The following ST18 variants were observed in gnomAD, a reference collection of about 807,000 sequenced individuals.
ST18 encodes the protein suppression of tumorigenicity 18 protein.
A neutral mutation model predicts 110.0 loss-of-function variants in ST18; 50 were observed. The ratio of observed to expected loss-of-function variants is 0.45; its 90% confidence interval spans 0.36 to 0.58. The LOEUF (loss-of-function observed/expected upper bound fraction) is 0.58, where lower values mean the gene tolerates loss of function less well. Ranked by LOEUF, ST18 falls within the 20% of genes least tolerant of loss-of-function variation. The pLI is 0.00. For synonymous variants in ST18, 461 were observed against 452.4 expected (o/e 1.02, Z -0.24); for missense variants, 1,306 against 1,280.1 (o/e 1.02, Z -0.31).
chr8:52,193,938 G>A (rs1416948645), intron 8 of ST18, among the ~76,000 whole-genome samples: 1 of 152,118 alleles, frequency 6.6e-6, no homozygotes, highest in Non-Finnish European at 1.5e-5. Flanking sequence ...TAAATTCAGC[G>A]ACTAATAAGT....
chr8:52,186,509 A>G (rs1429260543), intron 8 of ST18, among the ~76,000 whole-genome samples: 1 of 152,208 alleles, frequency 6.6e-6, no homozygotes, highest in African/African-American at 2.4e-5. Flanking sequence ...GCTCAACAGT[A>G]TCTACTAAAG....
chr8:52,198,492 G>T (rs2360804), intron 8 of ST18, among the ~76,000 whole-genome samples: 2 of 151,978 alleles, frequency 1.3e-5, no homozygotes, highest in Non-Finnish European at 2.9e-5. Flanking sequence ...GAATGCTTCC[G>T]TTTATCCATC....
intron 2 of ST18, among the ~76,000 whole-genome samples, chr8:52,337,963 C>G (rs1489654687): frequency 6.6e-6 from 1 of 152,190 alleles, no homozygotes; most frequent in Non-Finnish European, 1.5e-5. Context: ...CAATATCTAC[C>G]AGTTTAAGAA....
In ST18 at chr8:52,142,628, TAGA is replaced by T. The variant is rs2055602814; in HGVS notation, c.2168+299_2168+301del. ...CCAAATAACAATTTGCATCAAGTGT[TAGA>T]AGGTTAGTAGAGTCCCAGAAGACAA... On this transcript the variant is annotated intron_variant, in intron 17 of 25. Transcript: ENST00000689386. Among the ~76,000 whole-genome samples the T allele has an allele frequency of 2.0e-5, 3 of 152,332 alleles. No homozygotes were observed. The South Asian group carries it at 6.2e-4, about 32-fold the overall frequency.
At chr8:52,396,576 G>C (rs1457159784) in intron 2 of ST18, among the ~76,000 whole-genome samples, 1 of 152,160 alleles carries the variant, frequency 6.6e-6, no homozygotes, top group Non-Finnish European at 1.5e-5. Flanking sequence ...ATGGCTGGGG[G>C]AGGCCTCAGG....
chr8:52,244,553 CA>C (rs2093691219), intron 2 of ST18, among the ~76,000 whole-genome samples: 1 of 151,868 alleles, frequency 6.6e-6, no homozygotes, highest in Admixed American at 6.6e-5. Flanking sequence ...AAGTCAGAAG[CA>C]AAAAAAGAAA....
chr8:52,328,750 G>C (rs904727727), intron 2 of ST18, among the ~76,000 whole-genome samples: 1 of 152,154 alleles, frequency 6.6e-6, no homozygotes, highest in Non-Finnish European at 1.5e-5. Context: ...GCTTTTGAGA[G>C]ATAATTTACA....
At chr8:52,229,047 T>G (rs78625579) in intron 3 of ST18, among the ~76,000 whole-genome samples, 17,593 of 152,198 alleles carry the variant, frequency 0.12, 1,359 homozygotes, top group Middle Eastern at 0.21. Context: ...TGGCAATAAC[T>G]ATCATTTGGA....
intron 2 of ST18, among the ~76,000 whole-genome samples, chr8:52,279,443 A>C (rs1436807275): frequency 2.0e-5 from 3 of 152,188 alleles, no homozygotes; most frequent in Non-Finnish European, 4.4e-5. Flanking sequence ...CTTAACTTAC[A>C]TCTAATGGAA....
chr8:52,315,371 T>C (rs941368044), intron 2 of ST18, among the ~76,000 whole-genome samples: 2 of 152,078 alleles, frequency 1.3e-5, no homozygotes, highest in African/African-American at 4.8e-5. Flanking sequence ...GGGAGGTGAG[T>C]GACATCACCA....
chr8:52,179,187 T>C (rs2068317711), intron 9 of ST18, among the ~76,000 whole-genome samples: 1 of 152,246 alleles, frequency 6.6e-6, no homozygotes, highest in Non-Finnish European at 1.5e-5. Flanking sequence ...TCTATAATTT[T>C]TGAGAGTTTT....
intron 2 of ST18, among the ~76,000 whole-genome samples, chr8:52,395,685 G>A (rs1297774138): frequency 6.6e-6 from 1 of 152,196 alleles, no homozygotes; most frequent in African/African-American, 2.4e-5. Flanking sequence ...AAAACGTTGA[G>A]GGTACTGGTG....
At chr8:52,117,743 GCT>G (rs1289944170) in intron 24 of ST18, among the ~76,000 whole-genome samples, 8 of 152,180 alleles carry the variant, frequency 5.3e-5, no homozygotes, top group Non-Finnish European at 1.5e-5. Flanking sequence ...ACAGTCGTAT[GCT>G]CTGTCTCATT....
intron 8 of ST18, among the ~76,000 whole-genome samples, chr8:52,199,938 A>G (rs1025409578): frequency 1.3e-5 from 2 of 152,218 alleles, no homozygotes; most frequent in Non-Finnish European, 2.9e-5. Flanking sequence ...GGAGCTGCTC[A>G]TTCCACTGTG....
At chr8:52,209,399 T>G (rs188677569) in intron 8 of ST18, among the ~76,000 whole-genome samples, 1 of 152,264 alleles carries the variant, frequency 6.6e-6, no homozygotes, top group Non-Finnish European at 1.5e-5. Flanking sequence ...TTCTGCCTAA[T>G]AAGGCTATCG....
chr8:52,276,588 T>C (rs546672731), intron 2 of ST18, among the ~76,000 whole-genome samples: 1 of 152,238 alleles, frequency 6.6e-6, no homozygotes, highest in Admixed American at 6.5e-5. Flanking sequence ...TCCCTCCTAG[T>C]GCCCCTCTGC....
intron 10 of ST18, among the ~76,000 whole-genome samples, chr8:52,167,906 C>T (rs560459274): frequency 2.0e-5 from 3 of 152,152 alleles, no homozygotes; most frequent in East Asian, 1.9e-4. Flanking sequence ...CTGGCACACA[C>T]TTTGCCACAA....
chr8:52,138,695 A>G (rs1308831947), intron 17 of ST18, among the ~76,000 whole-genome samples: 1 of 152,206 alleles, frequency 6.6e-6, no homozygotes, highest in Non-Finnish European at 1.5e-5. Flanking sequence ...ATGGTGTTTG[A>G]AAGTCACTCA....
chr8:52,359,337 C>T (rs1824627053), intron 2 of ST18, among the ~76,000 whole-genome samples: 1 of 151,998 alleles, frequency 6.6e-6, no homozygotes, highest in Admixed American at 6.6e-5. Flanking sequence ...AAGCTGTTAA[C>T]TTTAGATTAT....
Sources: allele counts gnomAD v4.1 joint callset (sites outside exome capture counted in the v4.1 genomes callset), GRCh38; gene constraint gnomAD v4.1.1; transcripts MANE v1.5; gene names NCBI Gene and HGNC (gene_info 2026-07-23, HGNC 2026-07-21).